Variants in MMS22L observed in about 807,000 individuals in gnomAD.
MMS22L encodes the protein protein MMS22-like.
Under a neutral mutation model 159.1 loss-of-function variants are expected in MMS22L, and 74 were observed. The observed-to-expected ratio is 0.47, with a 90% CI of 0.39 to 0.56. MMS22L has a LOEUF of 0.56. Ranked by LOEUF, MMS22L falls within the 20% of genes least tolerant of loss-of-function variation. The pLI is 0.00. For synonymous variants in MMS22L, 517 were observed against 506.9 expected (o/e 1.02, Z -0.27); for missense variants, 1,351 against 1,422.1 (o/e 0.95, Z 0.80).
chr6:97,216,448 G>C (rs1020111825), intron 14 of MMS22L, among the ~76,000 whole-genome samples: 9 of 151,464 alleles, frequency 5.9e-5, no homozygotes, highest in Non-Finnish European at 1.2e-4. Context: ...TGCTTCCCAA[G>C]TACTTCCCTT....
chr6:97,190,191 C>T (rs1266126282), intron 14 of MMS22L, among the ~76,000 whole-genome samples: 1 of 152,062 alleles, frequency 6.6e-6, no homozygotes, highest in Non-Finnish European at 1.5e-5. Flanking sequence ...TAAAAGAAAA[C>T]ACAAAACATA....
chr6:97,278,800 C>T, intron 4 of MMS22L, 49 bp downstream of exon 4: 1 of 1,517,052 alleles, frequency 6.6e-7, no homozygotes, highest in Non-Finnish European at 9.1e-7. Context: ...GTGCAACTCA[C>T]TATAATGAAG....
At chr6:97,189,427 G>A (rs1258908489) in intron 14 of MMS22L, among the ~76,000 whole-genome samples, 1 of 151,280 alleles carries the variant, frequency 6.6e-6, no homozygotes, top group Non-Finnish European at 1.5e-5. Flanking sequence ...CGGGCGTGGT[G>A]ACATGTGCCT....
chr6:97,196,973 T>TA (rs1489244588), intron 14 of MMS22L, among the ~76,000 whole-genome samples: 6 of 152,164 alleles, frequency 3.9e-5, no homozygotes, highest in Admixed American at 3.9e-4. Flanking sequence ...GAGCTACCCA[T>TA]AAGCTTCGGT....
chr6:97,276,775 T>C (rs1816277937), intron 4 of MMS22L, among the ~76,000 whole-genome samples: 1 of 152,222 alleles, frequency 6.6e-6, no homozygotes, highest in Admixed American at 6.5e-5. Context: ...CTGGCATCAT[T>C]TAGTGAGGAG....
rs367993811 is a variant in MMS22L at position 97,231,417 on chromosome 6, T to C, written c.1529+9A>G. 5.0e-6 allele frequency: 8 copies of C among 1,590,214 alleles called. No homozygotes were observed. In the African/African-American group the frequency reaches 6.7e-5, roughly 13 times the overall value. On this transcript the variant is annotated intron_variant, in intron 13 of 24. Transcript: ENST00000683635. ...AGTGCACACTCATGACAGAAGATAC[T>C]GCATATACCTTCCTTTGACTTGTTT...
chr6:97,232,729 A>C (rs1261051349), intron 12 of MMS22L, among the ~76,000 whole-genome samples: 1 of 152,000 alleles, frequency 6.6e-6, no homozygotes, highest in Non-Finnish European at 1.5e-5. Flanking sequence ...ACTAGCCTAA[A>C]ATTATGCTTC....
intron 14 of MMS22L, among the ~76,000 whole-genome samples, chr6:97,191,095 C>T (rs1473056574): frequency 1.3e-5 from 2 of 152,124 alleles, no homozygotes; most frequent in African/African-American, 2.4e-5. Context: ...CTACTTCTTG[C>T]TTTGATTTCA....
Position 97,267,877 on chromosome 6 carries a change from C to G in MMS22L, c.823G>C (p.Asp275His). The G allele has an allele frequency of 1.9e-6, 3 of 1,602,918 alleles. No individual in the cohort carries two copies. Among genetic ancestry groups the G allele is most frequent in the Non-Finnish European group, 2.5e-6 (3 of 1,176,478 alleles). Residue 275 changes from aspartate to histidine, a missense_variant, in exon 8 of 25, where the codon GAC becomes CAC. Physicochemically the swap from Asp to His is moderately conservative, Grantham distance 81. Transcript: ENST00000683635. ...DLISLSLNRY[D>H]KVRSSESLMS... Reference sequence around the variant, plus strand: ...ACAAACTCTTAAAGCATTACCTTGTCGTACCTGTTGAGTGACAGGCTTATT... The same window carrying G: ...ACAAACTCTTAAAGCATTACCTTGTGGTACCTGTTGAGTGACAGGCTTATT...
intron 11 of MMS22L, among the ~76,000 whole-genome samples, chr6:97,244,578 A>C (rs1812431382): frequency 6.6e-6 from 1 of 152,190 alleles, no homozygotes; most frequent in Non-Finnish European, 1.5e-5. Context: ...ACATGAAAAG[A>C]CTAGACTGGC....
chr6:97,251,137 T>C (rs1289936184), intron 10 of MMS22L, among the ~76,000 whole-genome samples: 3 of 152,140 alleles, frequency 2.0e-5, no homozygotes, highest in Admixed American at 2.0e-4. Flanking sequence ...AATTAACCAG[T>C]TAGGATGAAT....
At chr6:97,267,491 A>G (rs1410611467) in intron 8 of MMS22L, 1 of 152,712 alleles carries the variant, frequency 6.5e-6, no homozygotes, top group Non-Finnish European at 1.5e-5. Flanking sequence ...AACTTTAAGT[A>G]AGCATTTATT....
At chr6:97,213,056 C>CGT (rs754364178) in intron 14 of MMS22L, among the ~76,000 whole-genome samples, 2 of 151,534 alleles carry the variant, frequency 1.3e-5, no homozygotes, top group Admixed American at 1.3e-4. Context: ...TGTGTGTGTG[C>CGT]GTGTGTGTGT....
At chr6:97,274,347 A>C (rs997600206) in intron 4 of MMS22L, among the ~76,000 whole-genome samples, 1 of 152,222 alleles carries the variant, frequency 6.6e-6, no homozygotes, top group Non-Finnish European at 1.5e-5. Context: ...ATAAAAAGTC[A>C]TATCATCCCA....
intron 14 of MMS22L, among the ~76,000 whole-genome samples, chr6:97,202,186 C>A (rs1807244411): frequency 6.6e-6 from 1 of 152,158 alleles, no homozygotes; most frequent in Admixed American, 6.5e-5. Context: ...CTGGAAAGGA[C>A]ATAAATAGAG....
rs1810601187 is a variant in MMS22L, at chr6:97,229,318, C to A, written c.1615G>T (p.Ala539Ser). 6.2e-7 allele frequency: 1 copy of A among 1,613,884 alleles called. No individual in the cohort carries two copies. Among genetic ancestry groups the A allele is most frequent in the East Asian group, 2.2e-5 (1 of 44,878 alleles). The change falls in exon 14 of 25, where the codon GCA becomes TCA. Residue 539 changes from alanine (A) to serine (S), a missense_variant. Coordinates refer to ENST00000683635, the MANE Select transcript of MMS22L (RefSeq NM_001350599.2). Reference sequence around the variant, plus strand: ...ACATCTTCTACCTCTGCAACAGCTGCTAACAGTAGAAAAAGGCTAAAAAAG... The same window carrying A: ...ACATCTTCTACCTCTGCAACAGCTGATAACAGTAGAAAAAGGCTAAAAAAG... ...QNFFSLFLLLAAVAEVEDVAS... is the reference protein window; with the variant it reads ...QNFFSLFLLLSAVAEVEDVAS...
rs1283029602 is a variant in MMS22L, at chr6:97,282,654, A to C, written c.-76-101T>G. The C allele has an allele frequency of 9.9e-6, 5 of 505,470 alleles. No individual in the cohort carries two copies. In the East Asian group the frequency reaches 1.4e-4, roughly 14 times the overall value. 31.3% of individuals were successfully genotyped at this position (505,470 alleles called of 1,614,324 possible). ...AGGAAAAACAAACGAACAAACCCAG[A>C]GGCCAAATTCCCAATTCCCCCTCGC... On this transcript the variant is annotated intron_variant, in intron 1 of 24. Coordinates refer to ENST00000683635, the MANE Select transcript of MMS22L (RefSeq NM_001350599.2).
chr6:97,189,541 A>G (rs2128284472), intron 14 of MMS22L, among the ~76,000 whole-genome samples: 1 of 120,964 alleles, frequency 8.3e-6, no homozygotes, highest in South Asian at 3.0e-4. Flanking sequence ...CAACAGCGAG[A>G]CTCTGTCTCC....
intron 14 of MMS22L, among the ~76,000 whole-genome samples, chr6:97,198,294 C>T (rs1562448684): frequency 6.6e-6 from 1 of 152,150 alleles, no homozygotes; most frequent in Non-Finnish European, 1.5e-5. Flanking sequence ...CATCTAGGAA[C>T]TGGATCCTCC....
Sources: allele counts gnomAD v4.1 joint callset (sites outside exome capture counted in the v4.1 genomes callset), GRCh38; gene constraint gnomAD v4.1.1; transcripts MANE v1.5; gene names NCBI Gene and HGNC (gene_info 2026-07-23, HGNC 2026-07-21).